TGFB2: variants seen among roughly 807,000 people sequenced by gnomAD.
TGFB2 encodes the protein transforming growth factor beta 2, also known as transforming growth factor beta-2 proprotein.
TGFB2 carries 13 observed loss-of-function variants against 42.7 expected under a neutral mutation model. That is an observed-to-expected ratio of 0.30 (90% CI 0.20 to 0.48). TGFB2 has a LOEUF of 0.48. Ranked by LOEUF, TGFB2 falls within the 20% of genes least tolerant of loss-of-function variation. The pLI is 0.99. For synonymous variants in TGFB2, 193 were observed against 193.6 expected (o/e 1.00, Z 0.03); for missense variants, 390 against 517.5 (o/e 0.75, Z 2.39).
chr1:218,379,142 T>C (rs1220841570), intron 1 of TGFB2, among the ~76,000 whole-genome samples: 1 of 150,570 alleles, frequency 6.6e-6, no homozygotes, highest in Admixed American at 6.6e-5. Context: ...TTTTTTTTTT[T>C]CTTTTTTAGA....
At chr1:218,432,405 A>G (rs530043055) in intron 2 of TGFB2, among the ~76,000 whole-genome samples, 10 of 152,272 alleles carry the variant, frequency 6.6e-5, no homozygotes, top group South Asian at 2.1e-4. Flanking sequence ...GCAGATCTGT[A>G]GAATAAGTCT....
chr1:218,412,956 T>C (rs75431575), intron 2 of TGFB2, among the ~76,000 whole-genome samples: 364 of 152,318 alleles, frequency 2.4e-3, no homozygotes, highest in African/African-American at 8.1e-3. Context: ...ATATTGCCTT[T>C]TCCCATGGGG....
intron 1 of TGFB2, among the ~76,000 whole-genome samples, chr1:218,373,738 A>G (rs1247789514): frequency 6.6e-6 from 1 of 152,222 alleles, no homozygotes; most frequent in Non-Finnish European, 1.5e-5. Context: ...GGATTAAAGA[A>G]TGAGAAGTCT....
chr1:218,439,063 G>T (rs555678891), intron 6 of TGFB2, among the ~76,000 whole-genome samples: 1 of 146,232 alleles, frequency 6.8e-6, no homozygotes, highest in Admixed American at 7.0e-5. Flanking sequence ...AGCCGAGATC[G>T]CACCACTGCA....
chr1:218,358,692 G>A (rs1657116405), intron 1 of TGFB2, among the ~76,000 whole-genome samples: 1 of 151,864 alleles, frequency 6.6e-6, no homozygotes, highest in Admixed American at 6.6e-5. Context: ...GGGACTACAG[G>A]CACCCCCCAC....
intron 2 of TGFB2, among the ~76,000 whole-genome samples, chr1:218,416,962 G>T (rs1408337829): frequency 6.6e-6 from 1 of 152,178 alleles, no homozygotes; most frequent in Admixed American, 6.5e-5. Context: ...GGCCTCCCTA[G>T]CCACATGGAA....
At chr1:218,393,766 TC>T (rs1215291876) in intron 1 of TGFB2, among the ~76,000 whole-genome samples, 1 of 152,184 alleles carries the variant, frequency 6.6e-6, no homozygotes, top group African/African-American at 2.4e-5. Context: ...AGTGGCCTGT[TC>T]CAGCTGTGAG....
intron 2 of TGFB2, among the ~76,000 whole-genome samples, chr1:218,431,736 G>A (rs1010636948): frequency 6.6e-6 from 1 of 152,208 alleles, no homozygotes; most frequent in Non-Finnish European, 1.5e-5. Context: ...TTCTGTGAAT[G>A]TTACCAGTTT....
At chr1:218,371,180 G>C in intron 1 of TGFB2, among the ~76,000 whole-genome samples, 1 of 151,996 alleles carries the variant, frequency 6.6e-6, no homozygotes, top group African/African-American at 2.4e-5. Flanking sequence ...ACGTGCCTGT[G>C]GTCCCAGCTA....
At chr1:218,390,393 C>T (rs192333057) in intron 1 of TGFB2, among the ~76,000 whole-genome samples, 20 of 151,940 alleles carry the variant, frequency 1.3e-4, no homozygotes, top group Admixed American at 5.9e-4. Context: ...ATTCTCAAAA[C>T]GACTGTGCTT....
At chr1:218,359,830 A>AT (rs1468400911) in intron 1 of TGFB2, among the ~76,000 whole-genome samples, 1 of 152,166 alleles carries the variant, frequency 6.6e-6, no homozygotes, top group Admixed American at 6.5e-5. Flanking sequence ...TTAGTTGTAC[A>AT]TTTGTAAGAC....
intron 2 of TGFB2, among the ~76,000 whole-genome samples, chr1:218,411,219 C>A (rs1164842428): frequency 2.0e-5 from 3 of 152,180 alleles, no homozygotes; most frequent in Admixed American, 1.3e-4. Flanking sequence ...ATTTGCTGCA[C>A]AACAAGCTTC....
intron 2 of TGFB2, among the ~76,000 whole-genome samples, chr1:218,417,847 C>A (rs914576226): frequency 6.6e-6 from 1 of 152,232 alleles, no homozygotes; most frequent in Admixed American, 6.5e-5. Flanking sequence ...CAAGCCTTGG[C>A]AGCTTCTACA....
intron 1 of TGFB2, among the ~76,000 whole-genome samples, chr1:218,381,007 C>T (rs1170748099): frequency 6.6e-6 from 1 of 152,026 alleles, no homozygotes; most frequent in African/African-American, 2.4e-5. Flanking sequence ...AGTTAATTAC[C>T]CAAGATCAAT....
intron 2 of TGFB2, among the ~76,000 whole-genome samples, chr1:218,428,021 C>T (rs1168683024): frequency 2.6e-5 from 4 of 152,166 alleles, no homozygotes; most frequent in South Asian, 4.1e-4. Flanking sequence ...TTAATGACTG[C>T]CATTCTAACT....
At chr1:218,436,185 G>A (rs1232290154) in intron 5 of TGFB2, 38 bp downstream of exon 5, 3 of 1,595,804 alleles carry the variant, frequency 1.9e-6, no homozygotes, top group Non-Finnish European at 2.6e-6. Context: ...AATTGCATCT[G>A]TTAACTCTTA....
At chr1:218,394,381 T>C (rs1193833486) in intron 1 of TGFB2, among the ~76,000 whole-genome samples, 1 of 152,036 alleles carries the variant, frequency 6.6e-6, no homozygotes, top group Non-Finnish European at 1.5e-5. Context: ...TTTATGAGGA[T>C]GATGGAAACT....
intron 2 of TGFB2, 170 bp downstream of exon 2, chr1:218,405,502 C>A: frequency 1.8e-6 from 2 of 1,136,136 alleles, no homozygotes; most frequent in Non-Finnish European, 2.6e-6. Context: ...GTCAATGGGA[C>A]TGCAGGAGTG....
chr1:218,435,520 T>A (rs1023872052), intron 4 of TGFB2, among the ~76,000 whole-genome samples: 1 of 152,238 alleles, frequency 6.6e-6, no homozygotes, highest in African/African-American at 2.4e-5. Flanking sequence ...TAAGTCTCAG[T>A]TTATGTTCAT....
Sources: allele counts gnomAD v4.1 joint callset (sites outside exome capture counted in the v4.1 genomes callset), GRCh38; gene constraint gnomAD v4.1.1; transcripts MANE v1.5; gene names NCBI Gene and HGNC (gene_info 2026-07-23, HGNC 2026-07-21).